CEP83: variants seen among roughly 807,000 people sequenced by gnomAD.
CEP83 encodes the protein centrosomal protein of 83 kDa.
Under a neutral mutation model 101.9 loss-of-function variants are expected in CEP83, and 70 were observed. That is an observed-to-expected ratio of 0.69 (90% CI 0.57 to 0.84). The LOEUF (loss-of-function observed/expected upper bound fraction) is 0.84. Ranked by LOEUF, CEP83 falls within the 40% of genes least tolerant of loss-of-function variation. The pLI is 0.00. For synonymous variants in CEP83, 264 were observed against 267.9 expected (o/e 0.99, Z 0.14); for missense variants, 715 against 787.2 (o/e 0.91, Z 1.10).
At chr12:94,328,285 TC>T in intron 14 of CEP83, 1 of 357,424 alleles carries the variant, frequency 2.8e-6, no homozygotes, top group Non-Finnish European at 5.7e-6. Context: ...CAGAAGGGCA[TC>T]CCAACTCAAG....
At chr12:94,392,876 G>C (rs1351242210) in intron 6 of CEP83, among the ~76,000 whole-genome samples, 1 of 152,094 alleles carries the variant, frequency 6.6e-6, no homozygotes, top group Non-Finnish European at 1.5e-5. Flanking sequence ...CAAAATCTAG[G>C]AGAAATGGAT....
At chr12:94,419,009 T>A (rs117831795) in intron 2 of CEP83, among the ~76,000 whole-genome samples, 1 of 151,638 alleles carries the variant, frequency 6.6e-6, no homozygotes, top group African/African-American at 2.4e-5. Flanking sequence ...TTCAATATTG[T>A]ATTGAAGAAC....
intron 6 of CEP83, among the ~76,000 whole-genome samples, chr12:94,391,123 A>T (rs2062499432): frequency 6.6e-6 from 1 of 152,184 alleles, no homozygotes; most frequent in East Asian, 1.9e-4. Flanking sequence ...GGAAATACAG[A>T]GAATGCCACA....
intron 3 of CEP83, 106 bp from the exon 4 acceptor site, chr12:94,411,953 C>T (rs1187119513): frequency 3.6e-6 from 3 of 844,858 alleles, no homozygotes; most frequent in Non-Finnish European, 5.6e-6. Context: ...ACCAATATCA[C>T]ACATTCCTTT....
chr12:94,272,835 TGTGGGGTTC>T, the CEP83 span, among the ~76,000 whole-genome samples: 1 of 152,338 alleles, frequency 6.6e-6, no homozygotes, highest in South Asian at 2.1e-4. Context: ...CAGTGGGTTC[TGTGGGGTTC>T]AATATCAAGC....
chr12:94,356,893 T>C lies in CEP83; in HGVS notation c.1343+10901A>G, dbSNP rs2060502537. On this transcript the variant is annotated intron_variant, in intron 11 of 16. Transcript: ENST00000397809. Reference sequence around the variant, plus strand: ...TAACTGCAGACCAACTTTTGGGGGTTGGCGGCTGGGCTGGTTTAGATGCAC... The same window carrying C: ...TAACTGCAGACCAACTTTTGGGGGTCGGCGGCTGGGCTGGTTTAGATGCAC... Among the ~76,000 whole-genome samples, 3 of 152,290 alleles carry C rather than the reference T, an allele frequency of 2.0e-5. No individual in the cohort carries two copies. In the South Asian group the frequency reaches 6.2e-4, roughly 32 times the overall value.
intron 15 of CEP83, 101 bp downstream of exon 15, chr12:94,312,813 A>T: frequency 8.0e-7 from 1 of 1,250,888 alleles, no homozygotes; most frequent in Non-Finnish European, 1.0e-6. Context: ...AAATCTTTAA[A>T]ATGTATATTT....
intron 2 of CEP83, 29 bp downstream of exon 2, chr12:94,435,246 A>C (rs1469916823): frequency 6.6e-6 from 1 of 152,244 alleles, no homozygotes; most frequent in Non-Finnish European, 1.5e-5. Context: ...CATTTGAGAA[A>C]AAAGCAGAAG....
At chr12:94,352,526 T>C (rs1241983032) in intron 11 of CEP83, among the ~76,000 whole-genome samples, 1 of 151,140 alleles carries the variant, frequency 6.6e-6, no homozygotes, top group East Asian at 1.9e-4. Flanking sequence ...AAAAAATGCC[T>C]GAAAAGAAAT....
Position 94,336,252 on chromosome 12 carries a change from A to G in CEP83, c.1344-588T>C, listed in dbSNP as rs369874517. 3.3e-5 allele frequency among the ~76,000 whole-genome samples: 5 copies of G among 152,322 alleles called. No homozygotes were observed. In the South Asian group the frequency reaches 6.2e-4, roughly 19 times the overall value. ...CATTTGCAGACTCTTCAAAGGGAATAATACATCTACAGCCAGAGCCTTAAA... is the reference window on the plus strand; with the variant it reads ...CATTTGCAGACTCTTCAAAGGGAATGATACATCTACAGCCAGAGCCTTAAA... On this transcript the variant is annotated intron_variant, in intron 11 of 16. Coordinates refer to ENST00000397809, the MANE Select transcript of CEP83 (RefSeq NM_016122.3).
chr12:94,272,741 G>A, the CEP83 span, among the ~76,000 whole-genome samples: 3 of 152,222 alleles, frequency 2.0e-5, no homozygotes, highest in African/African-American at 7.2e-5. Flanking sequence ...GCAGAGGCTG[G>A]GAAATGTCAC....
intron 11 of CEP83, among the ~76,000 whole-genome samples, chr12:94,339,602 C>A (rs965423583): frequency 1.3e-5 from 2 of 152,138 alleles, no homozygotes; most frequent in Admixed American, 1.3e-4. Context: ...TAATGTGAGT[C>A]CCTGCTATCA....
chr12:94,392,239 C>A (rs1210508927), intron 6 of CEP83, among the ~76,000 whole-genome samples: 1 of 151,926 alleles, frequency 6.6e-6, no homozygotes, highest in Non-Finnish European at 1.5e-5. Context: ...TATAATTGAA[C>A]TAAAGCACTC....
chr12:94,352,962 T>C (rs375790721), intron 11 of CEP83, among the ~76,000 whole-genome samples: 1 of 152,118 alleles, frequency 6.6e-6, no homozygotes, highest in Non-Finnish European at 1.5e-5. Context: ...TCCCAAGTCT[T>C]AGGAGAGAGA....
rs1365319267 is a variant in CEP83 at position 94,308,081 on chromosome 12, G to GTAA, written c.*729_*731dup. 1 of 152,190 alleles carries GTAA rather than the reference G, an allele frequency of 6.6e-6. No homozygotes were observed. The highest frequency in any genetic ancestry group is 2.4e-5 in the African/African-American group (1 of 41,448). 9.4% of individuals were successfully genotyped at this position (152,190 alleles called of 1,614,324 possible). ...ACATAATTATTTGGTTAGATCCACA[G>GTAA]TAATGGGAAGTAAAGTTAAATACCA... is the stretch of plus-strand genomic sequence containing the variant. On this transcript the variant is annotated 3_prime_UTR_variant, in exon 17 of 17. Coordinates refer to ENST00000397809, the MANE Select transcript of CEP83 (RefSeq NM_016122.3).
At chr12:94,278,479 T>C in the CEP83 span, among the ~76,000 whole-genome samples, 4 of 152,258 alleles carry the variant, frequency 2.6e-5, no homozygotes, top group African/African-American at 9.6e-5. Context: ...ACAAAGGCCT[T>C]ACTTCCCCCA....
At position 94,412,367 on chromosome 12, in the gene CEP83, A is replaced by G. The variant is rs778603039; in HGVS notation, c.124T>C (p.Cys42Arg). 5 of 1,613,372 alleles carry G rather than the reference A, an allele frequency of 3.1e-6. No homozygotes were observed. Among genetic ancestry groups the G allele is most frequent in the African/African-American group, 2.7e-5 (2 of 74,900 alleles). Residue 42 changes from cysteine to arginine, a missense_variant, in exon 3 of 17, where the codon TGT (cysteine) becomes CGT (arginine). By Grantham distance (180) the Cys-to-Arg change is radical. Transcript: ENST00000397809. ...TGATAATTAGCTTTATGATGCTCAC[A>G]TCGTAACCTTTCATCAATTAACATT... Reference protein sequence around the residue: ...QKMLIDERLRCEHHKANYQTL... With the variant: ...QKMLIDERLRREHHKANYQTL...
chr12:94,445,344 A>T (rs1249824609), intron 1 of CEP83, among the ~76,000 whole-genome samples: 2 of 152,138 alleles, frequency 1.3e-5, no homozygotes, highest in African/African-American at 4.8e-5. Flanking sequence ...GATCAAAATA[A>T]ATCAGAGGCC....
the CEP83 span, chr12:94,294,646 C>A: frequency 8.4e-6 from 5 of 593,670 alleles, no homozygotes; most frequent in Non-Finnish European, 1.3e-5. Context: ...TGAGTTGTTG[C>A]TATGTAATTC....
Sources: gnomAD v4.1 joint callset for allele counts (sites outside exome capture counted in the v4.1 genomes callset) on GRCh38, gnomAD v4.1.1 for gene constraint, MANE v1.5 for transcripts, NCBI Gene and HGNC (gene_info 2026-07-23, HGNC 2026-07-21) for gene names.